The following STXBP4 variants were observed in gnomAD, a reference collection of about 807,000 sequenced individuals.
STXBP4 encodes syntaxin binding protein 4, also known as syntaxin-binding protein 4.
STXBP4 carries 55 observed loss-of-function variants against 76.1 expected under a neutral mutation model. The ratio of observed to expected loss-of-function variants is 0.72; its 90% CI spans 0.58 to 0.91. STXBP4 has a LOEUF of 0.91. Among genes scored for constraint, STXBP4 ranks in the 40% least tolerant of loss-of-function variants. The pLI is 0.00. For synonymous variants in STXBP4, 201 were observed against 220.2 expected (o/e 0.91, Z 0.77); for missense variants, 618 against 636.9 (o/e 0.97, Z 0.32).
chr17:55,152,330 A>G (rs560604306), intron 17 of STXBP4, among the ~76,000 whole-genome samples: 1 of 152,218 alleles, frequency 6.6e-6, no homozygotes, highest in Non-Finnish European at 1.5e-5. Flanking sequence ...TTGTTGCTAC[A>G]TGATGTAAAA....
intron 1 of STXBP4, 94 bp downstream of exon 1, chr17:54,968,909 C>A: frequency 2.5e-6 from 1 of 402,434 alleles, no homozygotes; most frequent in Non-Finnish European, 4.6e-6. Context: ...CGCCCGTCCG[C>A]GTGCAAGCTT....
At chr17:55,156,259 G>A (rs1320891599) in intron 17 of STXBP4, among the ~76,000 whole-genome samples, 1 of 151,968 alleles carries the variant, frequency 6.6e-6, no homozygotes, top group Non-Finnish European at 1.5e-5. Flanking sequence ...AATCAACAGG[G>A]CTGATTTATT....
intron 13 of STXBP4, among the ~76,000 whole-genome samples, chr17:55,074,053 T>C (rs577254963): frequency 5.6e-4 from 85 of 152,322 alleles, no homozygotes; most frequent in Non-Finnish European, 8.2e-4. Flanking sequence ...ATCGAGTAAA[T>C]TGAAATAAAT....
chr17:55,007,290 T>C (rs2078026537), intron 7 of STXBP4, among the ~76,000 whole-genome samples: 1 of 150,428 alleles, frequency 6.6e-6, no homozygotes. Context: ...GCCAAGATCG[T>C]GCTACTGCAC....
the STXBP4 span, among the ~76,000 whole-genome samples, chr17:55,179,782 T>C: frequency 1.3e-5 from 2 of 152,222 alleles, no homozygotes; most frequent in Non-Finnish European, 2.9e-5. Context: ...AAGAATATAG[T>C]ATAAACTATA....
chr17:55,073,949 AT>A lies in STXBP4; in HGVS notation c.1188+882del, dbSNP rs908512909. 7.1e-4 allele frequency among the ~76,000 whole-genome samples: 107 copies of A among 151,660 alleles called. 2 individuals carry two copies. The highest frequency in any genetic ancestry group is 1.5e-4 in the Non-Finnish European group (10 of 67,848). On this transcript the variant is annotated intron_variant, in intron 13 of 17. Coordinates refer to ENST00000376352, the MANE Select transcript of STXBP4 (RefSeq NM_178509.6). ...TGGACAGTGCAAACTTTTTTATGCA[AT>A]TTTTTTTTACATAATACATACTATA...
At chr17:55,092,629 G>A (rs1055068197) in intron 16 of STXBP4, among the ~76,000 whole-genome samples, 13 of 152,302 alleles carry the variant, frequency 8.5e-5, no homozygotes, top group African/African-American at 3.1e-4. Context: ...CATCACTTCA[G>A]ATGTTCCTAT....
Position 55,090,745 on chromosome 17 carries a change from T to G in STXBP4, c.1489+9562T>G, listed in dbSNP as rs555124959. Among the ~76,000 whole-genome samples the G allele has an allele frequency of 2.0e-5, 3 of 152,200 alleles. No individual in the cohort carries two copies. In the East Asian group the frequency reaches 5.8e-4, roughly 29 times the overall value. ...AAGCCAGGAAATACAGCTCTCAAGA[T>G]TCATAGTGGACTTCAGGATCAAGAT... On this transcript the variant is annotated intron_variant, in intron 16 of 17. Coordinates refer to ENST00000376352, the MANE Select transcript of STXBP4 (RefSeq NM_178509.6).
chr17:55,098,205 C>T (rs183534668), intron 16 of STXBP4, among the ~76,000 whole-genome samples: 209 of 152,142 alleles, frequency 1.4e-3, no homozygotes, highest in African/African-American at 4.7e-3. Context: ...CGTGAGAAAC[C>T]GTGTGCTAAA....
Position 55,105,623 on chromosome 17 carries a change from C to T in STXBP4, c.1489+24440C>T, listed in dbSNP as rs555683722. 4.0e-5 allele frequency among the ~76,000 whole-genome samples: 6 copies of T among 151,098 alleles called. No homozygotes were observed. The South Asian group carries it at 8.4e-4, about 21-fold the overall frequency. ...TAGCTGGGACGACAGGCACCCGCCA[C>T]CACACCCAGCTAATATTTTTTTTTT... On this transcript the variant is annotated intron_variant, in intron 16 of 17. Transcript: ENST00000376352.
intron 16 of STXBP4, among the ~76,000 whole-genome samples, chr17:55,097,148 T>C (rs1022627010): frequency 1.4e-5 from 2 of 143,142 alleles, no homozygotes; most frequent in African/African-American, 5.3e-5. Flanking sequence ...GCTATTTGTG[T>C]TTCTCATTTC....
At chr17:55,014,897 C>T (rs915197550) in intron 8 of STXBP4, among the ~76,000 whole-genome samples, 3 of 152,008 alleles carry the variant, frequency 2.0e-5, no homozygotes, top group African/African-American at 7.2e-5. Context: ...GCCTGAGGGC[C>T]ATGACTAAAG....
At chr17:55,053,257 T>C (rs191573964) in intron 12 of STXBP4, among the ~76,000 whole-genome samples, 1 of 152,150 alleles carries the variant, frequency 6.6e-6, no homozygotes, top group Non-Finnish European at 1.5e-5. Flanking sequence ...TAAGAAAATA[T>C]CCTTATTCAT....
intron 10 of STXBP4, among the ~76,000 whole-genome samples, chr17:55,039,320 C>A (rs1380814251): frequency 4.1e-5 from 6 of 147,942 alleles, no homozygotes; most frequent in Admixed American, 6.8e-5. Flanking sequence ...AAAATTAGAA[C>A]GTAATGCACA....
intron 16 of STXBP4, among the ~76,000 whole-genome samples, chr17:55,106,441 G>A (rs189839030): frequency 6.6e-6 from 1 of 151,944 alleles, no homozygotes; most frequent in African/African-American, 2.4e-5. Flanking sequence ...TCTTTTAATT[G>A]GGCATTTAGC....
At chr17:55,062,302 A>G (rs1027992710) in intron 12 of STXBP4, among the ~76,000 whole-genome samples, 1 of 151,954 alleles carries the variant, frequency 6.6e-6, no homozygotes. Context: ...ATGTGTTCTC[A>G]TTGTTCAACT....
chr17:55,198,172 C>T, the STXBP4 span, among the ~76,000 whole-genome samples: 1 of 152,336 alleles, frequency 6.6e-6, no homozygotes. Flanking sequence ...CAAAGTTACA[C>T]TCCTATGCAA....
intron 1 of STXBP4, among the ~76,000 whole-genome samples, chr17:54,976,433 C>G (rs1483787635): frequency 6.6e-6 from 1 of 152,192 alleles, no homozygotes; most frequent in Non-Finnish European, 1.5e-5. Flanking sequence ...ATCTGAGTTA[C>G]TTTCTCAGGA....
At chr17:54,983,015 T>TA (rs2077572497) in intron 1 of STXBP4, among the ~76,000 whole-genome samples, 2 of 152,240 alleles carry the variant, frequency 1.3e-5, no homozygotes, top group African/African-American at 4.8e-5. Flanking sequence ...ACAAGCCACA[T>TA]ACTTTCTGTA....
Sources: allele counts gnomAD v4.1 joint callset (sites outside exome capture counted in the v4.1 genomes callset), GRCh38; gene constraint gnomAD v4.1.1; transcripts MANE v1.5; gene names NCBI Gene and HGNC (gene_info 2026-07-23, HGNC 2026-07-21).